ADH5: variants seen among roughly 807,000 people sequenced by gnomAD.
The protein encoded by ADH5 is alcohol dehydrogenase 5 (class III), chi polypeptide, also known as alcohol dehydrogenase class-3.
A neutral mutation model predicts 40.3 loss-of-function variants in ADH5; 32 were observed. That is an observed-to-expected ratio of 0.79 (90% CI 0.60 to 1.07). The LOEUF (loss-of-function observed/expected upper bound fraction) is 1.07. ADH5 is among the 50% of genes least tolerant of loss of function. ADH5 has a pLI of 0.00. For synonymous variants in ADH5, 125 were observed against 154.3 expected (o/e 0.81, Z 1.41); for missense variants, 353 against 460.5 (o/e 0.77, Z 2.14).
chr4:99,081,789 G>T, intron 3 of ADH5, 186 bp downstream of exon 3: 1 of 731,576 alleles, frequency 1.4e-6, no homozygotes, highest in Non-Finnish European at 2.1e-6. Context: ...AAAAACAGTA[G>T]TCTGCAAAAT....
At chr4:99,085,285 A>G in intron 1 of ADH5, 69 bp from the exon 2 acceptor site, 1 of 624,762 alleles carries the variant, frequency 1.6e-6, no homozygotes, top group East Asian at 3.2e-5. Context: ...TAGCCAATTT[A>G]GATACAGATT....
rs1397326457 is a variant in ADH5 at position 99,072,032 on chromosome 4, T to C, written c.*385A>G. On this transcript the variant is annotated 3_prime_UTR_variant, in exon 9 of 9. Coordinates refer to ENST00000296412, the MANE Select transcript of ADH5 (RefSeq NM_000671.4). ...TGAGACCCTTAAAAGTTCAACGTTA[T>C]GTTTCTGAGGTTTCAGACACCCACC... 5.3e-6 allele frequency: 1 copy of C among 187,810 alleles called. No homozygotes were observed. Among genetic ancestry groups the C allele is most frequent in the Non-Finnish European group, 1.1e-5 (1 of 91,978 alleles). The allele number at this position is 187,810 out of a possible 1,614,324, so 11.6% of individuals were successfully genotyped here.
chr4:99,082,123 G>C lies in ADH5; in HGVS notation c.115-7C>G. 1 of 1,612,920 alleles carries C rather than the reference G, an allele frequency of 6.2e-7. No individual in the cohort carries two copies. Among genetic ancestry groups the C allele is most frequent in the Non-Finnish European group, 8.5e-7 (1 of 1,179,318 alleles). Reference sequence around the variant, plus strand: ...AAACCGCAGTGGCAATGATCTATCAGGACATTAAAACAACGAATGTGTAAG... The same window carrying C: ...AAACCGCAGTGGCAATGATCTATCACGACATTAAAACAACGAATGTGTAAG... On this transcript the variant is annotated splice_polypyrimidine_tract_variant and splice_region_variant and intron_variant, in intron 2 of 8. Coordinates refer to ENST00000296412, the MANE Select transcript of ADH5 (RefSeq NM_000671.4).
intron 4 of ADH5, 67 bp downstream of exon 4, chr4:99,081,298 G>A: frequency 4.8e-6 from 5 of 1,034,204 alleles, no homozygotes; most frequent in South Asian, 2.8e-5. Flanking sequence ...TCAACCCCTC[G>A]GTCTCTGTGA....
chr4:99,085,055 C>T, intron 2 of ADH5, 60 bp downstream of exon 2: 1 of 812,366 alleles, frequency 1.2e-6, no homozygotes, highest in Non-Finnish European at 1.8e-6. Flanking sequence ...CAGATCTACT[C>T]ATCTATCCAG....
chr4:99,076,917 A>G lies in ADH5; in HGVS notation c.351T>C (p.Thr117=). 8 of 1,610,904 alleles carry G rather than the reference A, an allele frequency of 5.0e-6. No homozygotes were observed. The highest frequency in any genetic ancestry group is 6.8e-6 in the Non-Finnish European group (8 of 1,178,552). ...KTNLCQKIRV[T]QGKGLMPDGT... ...CATCTGGCATTAATCCTTTCCCTTG[A>G]GTGACTCTAAAGAAAAAAAAAGGAA... The change falls in exon 5 of 9, where the codon ACT becomes ACC. Residue 117 remains threonine (T), a synonymous_variant. Coordinates refer to ENST00000296412, the MANE Select transcript of ADH5 (RefSeq NM_000671.4).
Position 99,076,341 on chromosome 4 carries a change from T to A in ADH5, c.776A>T (p.Asp259Val). Reference sequence around the variant, plus strand: ...TTCAAAGGAATAGTCCACTCCTCCATCGGTCATCTCAATGAGCACTTCCTG... The same window carrying A: ...TTCAAAGGAATAGTCCACTCCTCCAACGGTCATCTCAATGAGCACTTCCTG... ...PIQEVLIEMT[D>V]GGVDYSFECI... The change falls in exon 6 of 9, where the codon GAT becomes GTT. Residue 259 changes from aspartate to valine, a missense_variant. Transcript: ENST00000296412. 6.2e-7 allele frequency: 1 copy of A among 1,614,138 alleles called. No individual in the cohort carries two copies. Among genetic ancestry groups the A allele is most frequent in the Non-Finnish European group, 8.5e-7 (1 of 1,179,984 alleles).
rs1194232591 is a variant in ADH5, at chr4:99,072,559, A to T, written c.1100+14T>A. ...TCATTATTACATTCTATGATATATA[A>T]AGAGAAAGCCTACCTCTTTCCAGAA... is the stretch of plus-strand genomic sequence containing the variant. On this transcript the variant is annotated intron_variant, in intron 8 of 8. Coordinates refer to ENST00000296412, the MANE Select transcript of ADH5 (RefSeq NM_000671.4). The T allele has an allele frequency of 1.9e-6, 3 of 1,609,714 alleles. No homozygotes were observed. The highest frequency in any genetic ancestry group is 2.5e-6 in the Non-Finnish European group (3 of 1,178,562).
At chr4:99,078,459 C>CA (rs1727968858) in intron 4 of ADH5, among the ~76,000 whole-genome samples, 1 of 152,088 alleles carries the variant, frequency 6.6e-6, no homozygotes, top group East Asian at 1.9e-4. Flanking sequence ...GGTTGGAATG[C>CA]AGTGGCACAT....
At chr4:99,073,803 A>T (rs1435938864) in intron 7 of ADH5, among the ~76,000 whole-genome samples, 3 of 152,226 alleles carry the variant, frequency 2.0e-5, no homozygotes, top group Non-Finnish European at 4.4e-5. Context: ...CCCAACCAGC[A>T]TGTGCTAGAA....
intron 5 of ADH5, 56 bp downstream of exon 5, chr4:99,076,648 A>C: frequency 6.3e-7 from 1 of 1,597,242 alleles, no homozygotes; most frequent in Non-Finnish European, 8.5e-7. Context: ...ATTCCAGGAA[A>C]GTTTCACTGA....
At chr4:99,080,390 T>C (rs1359815630) in intron 4 of ADH5, 1 of 170,632 alleles carries the variant, frequency 5.9e-6, no homozygotes. Context: ...TCCAGTCGCC[T>C]TTGTGAAGAC....
Position 99,085,234 on chromosome 4 carries a change from G to A in ADH5, c.13-18C>T. The A allele has an allele frequency of 1.4e-6, 2 of 1,394,578 alleles. No homozygotes were observed. The highest frequency in any genetic ancestry group is 9.6e-7 in the Non-Finnish European group (1 of 1,043,666). The allele number at this position is 1,394,578 out of a possible 1,614,324, so 86.4% of individuals were successfully genotyped here. A position where few individuals can be genotyped will look rare whatever the true frequency, so the allele number is the denominator to read the frequency against. ...TTGATAACCTGAAGTGGGGAAAAAAGGGAATAAGCTGTTTATCCTCCTAAA... is the reference window on the plus strand; with the variant it reads ...TTGATAACCTGAAGTGGGGAAAAAAAGGAATAAGCTGTTTATCCTCCTAAA... On this transcript the variant is annotated intron_variant, in intron 1 of 8. Coordinates refer to ENST00000296412, the MANE Select transcript of ADH5 (RefSeq NM_000671.4).
intron 4 of ADH5, among the ~76,000 whole-genome samples, chr4:99,079,644 TAA>T (rs764157228): frequency 6.9e-6 from 1 of 145,290 alleles, no homozygotes; most frequent in South Asian, 2.2e-4. Flanking sequence ...CTACTTCAAT[TAA>T]AAAAAAAAAC....
intron 2 of ADH5, 123 bp downstream of exon 2, chr4:99,084,991 CT>C (rs1178703713): frequency 2.3e-6 from 1 of 438,352 alleles, no homozygotes; most frequent in Non-Finnish European, 3.9e-6. Flanking sequence ...GGCTGGATGA[CT>C]TTCAACACCT....
At chr4:99,081,859 G>A (rs1414175437) in intron 3 of ADH5, 116 bp downstream of exon 3, 2 of 1,036,082 alleles carry the variant, frequency 1.9e-6, no homozygotes, top group South Asian at 2.1e-5. Context: ...ACTTAATCTT[G>A]ACAATCTACT....
At chr4:99,083,250 A>G (rs574115651) in intron 2 of ADH5, among the ~76,000 whole-genome samples, 4 of 152,226 alleles carry the variant, frequency 2.6e-5, no homozygotes, top group African/African-American at 7.2e-5. Context: ...GAATTTGAAG[A>G]AAAAAACACT....
At chr4:99,081,555 A>G in intron 3 of ADH5, 103 bp from the exon 4 acceptor site, 1 of 810,188 alleles carries the variant, frequency 1.2e-6, no homozygotes, top group East Asian at 2.7e-5. Flanking sequence ...TTGCAAAGTT[A>G]AAAACTTCAA....
chr4:99,084,827 T>C (rs932995337), intron 2 of ADH5, among the ~76,000 whole-genome samples: 3 of 152,204 alleles, frequency 2.0e-5, no homozygotes, highest in African/African-American at 7.2e-5. Flanking sequence ...AAAATGAGTA[T>C]CCTACAGAGT....
Sources: gnomAD v4.1 joint callset for allele counts (sites outside exome capture counted in the v4.1 genomes callset) on GRCh38, gnomAD v4.1.1 for gene constraint, MANE v1.5 for transcripts, NCBI Gene and HGNC (gene_info 2026-07-23, HGNC 2026-07-21) for gene names.